STAT5B: variants seen among roughly 807,000 people sequenced by gnomAD.
The protein encoded by STAT5B is transcription factor STAT5B.
Under a neutral mutation model 107.8 loss-of-function variants are expected in STAT5B, and 21 were observed. That is an observed-to-expected ratio of 0.19 (90% confidence interval 0.14 to 0.28). The LOEUF (loss-of-function observed/expected upper bound fraction) is 0.28. STAT5B is among the 10% of genes least tolerant of loss of function. STAT5B has a pLI of 1.00. For missense variants in STAT5B, 565 were observed against 1,008.2 expected, an observed-to-expected ratio of 0.56 and a Z score of 5.95; for synonymous variants, 325 against 401.7, an observed-to-expected ratio of 0.81 and a Z score of 2.28.
intron 15 of STAT5B, among the ~76,000 whole-genome samples, chr17:42,209,911 T>C (rs2080115054): frequency 6.6e-6 from 1 of 152,218 alleles, no homozygotes; most frequent in Admixed American, 6.5e-5. Context: ...TCTTGTATCA[T>C]AGGTAGCCAT....
At chr17:42,268,601 A>G (rs2080694783) in intron 1 of STAT5B, 1 of 152,140 alleles carries the variant, frequency 6.6e-6, no homozygotes, top group Admixed American at 6.6e-5. Context: ...ATAAGAATCT[A>G]GTATCCAGTT....
chr17:42,286,046 A>C, the STAT5B span, among the ~76,000 whole-genome samples: 8 of 151,924 alleles, frequency 5.3e-5, no homozygotes, highest in Admixed American at 2.0e-4. Flanking sequence ...ATGGAGAAAC[A>C]CCGCCTCTAC....
At chr17:42,273,996 C>A (rs1308677439) in intron 1 of STAT5B, among the ~76,000 whole-genome samples, 1 of 151,952 alleles carries the variant, frequency 6.6e-6, no homozygotes, top group Non-Finnish European at 1.5e-5. Flanking sequence ...AAGTGTTGAC[C>A]AAAATATTTA....
chr17:42,250,795 G>T (rs113704942), intron 1 of STAT5B, among the ~76,000 whole-genome samples: 1 of 151,900 alleles, frequency 6.6e-6, no homozygotes, highest in East Asian at 1.9e-4. Context: ...GTGGTGGCAG[G>T]CACCTGTAGT....
chr17:42,218,901 A>C (rs1279981357), intron 7 of STAT5B, 23 bp from the exon 8 acceptor site: 3 of 1,613,832 alleles, frequency 1.9e-6, no homozygotes, highest in Non-Finnish European at 2.5e-6. Flanking sequence ...CCCAAGGCCA[A>C]CAGGAGGACA....
At chr17:42,249,335 G>C (rs1470403507) in intron 1 of STAT5B, among the ~76,000 whole-genome samples, 1 of 152,132 alleles carries the variant, frequency 6.6e-6, no homozygotes, top group African/African-American at 2.4e-5. Context: ...GGAGGTAGCA[G>C]AGAGCCAAGA....
chr17:42,281,532 G>C (rs1165709737), upstream of STAT5B, among the ~76,000 whole-genome samples: 1 of 152,188 alleles, frequency 6.6e-6, no homozygotes, highest in African/African-American at 2.4e-5. Flanking sequence ...TGATAAAAAA[G>C]CATTTTCTCT....
chr17:42,256,761 C>T (rs1251447572), intron 1 of STAT5B, among the ~76,000 whole-genome samples: 1 of 146,278 alleles, frequency 6.8e-6, no homozygotes, highest in Non-Finnish European at 1.5e-5. Flanking sequence ...ACTGGGGAGG[C>T]TGAGGCAGGA....
chr17:42,264,205 TTTAA>T (rs1350458612), intron 1 of STAT5B, among the ~76,000 whole-genome samples: 5 of 152,102 alleles, frequency 3.3e-5, no homozygotes, highest in Non-Finnish European at 5.9e-5. Context: ...ATCTTTTTTT[TTTAA>T]TTTATTTATT....
intron 1 of STAT5B, among the ~76,000 whole-genome samples, chr17:42,263,263 CA>C (rs1391211263): frequency 6.0e-5 from 9 of 151,002 alleles, no homozygotes; most frequent in Non-Finnish European, 1.2e-4. Flanking sequence ...TCCTGAAGTT[CA>C]AATTATTTAA....
intron 13 of STAT5B, among the ~76,000 whole-genome samples, chr17:42,211,231 G>C (rs2080125828): frequency 1.3e-5 from 2 of 151,650 alleles, no homozygotes; most frequent in Non-Finnish European, 2.9e-5. Context: ...AATAGGGTGG[G>C]CACAGTGGAC....
chr17:42,218,974 G>A (rs1343495916), intron 7 of STAT5B, 96 bp from the exon 8 acceptor site: 26 of 1,556,214 alleles, frequency 1.7e-5, no homozygotes, highest in Non-Finnish European at 2.2e-5. Context: ...GGAAGGCTCT[G>A]TGCTTTCGCC....
chr17:42,241,987 A>C (rs2144328442), intron 1 of STAT5B, among the ~76,000 whole-genome samples: 1 of 152,324 alleles, frequency 6.6e-6, no homozygotes, highest in South Asian at 2.1e-4. Flanking sequence ...CAGAAAGAAT[A>C]AAAGCATTTG....
intron 1 of STAT5B, among the ~76,000 whole-genome samples, chr17:42,250,299 C>G (rs779910158): frequency 2.0e-5 from 3 of 152,064 alleles, no homozygotes; most frequent in Non-Finnish European, 4.4e-5. Flanking sequence ...AGTATTTTAA[C>G]CCCACTCTGA....
intron 2 of STAT5B, among the ~76,000 whole-genome samples, chr17:42,231,401 G>A (rs1322939475): frequency 6.6e-6 from 1 of 152,080 alleles, no homozygotes; most frequent in Admixed American, 6.6e-5. Flanking sequence ...GAGTGTAGTG[G>A]TGTGATCATG....
chr17:42,280,720 G>A (rs1413896154), upstream of STAT5B, among the ~76,000 whole-genome samples: 2 of 152,166 alleles, frequency 1.3e-5, no homozygotes, highest in East Asian at 1.9e-4. Flanking sequence ...TCAGAATGGC[G>A]TGGCCTCGGT....
At chr17:42,248,273 C>CAAAA (rs61401221) in intron 1 of STAT5B, among the ~76,000 whole-genome samples, 1 of 69,176 alleles carries the variant, frequency 1.4e-5, no homozygotes, top group Admixed American at 1.8e-4. Context: ...AGATCTTGTC[C>CAAAA]AAAAAAAAAA....
At chr17:42,235,108 A>G (rs78179797) in intron 1 of STAT5B, 1 of 152,196 alleles carries the variant, frequency 6.6e-6, no homozygotes, top group Non-Finnish European at 1.5e-5. Context: ...AGCTATGAAA[A>G]CTTTTATCTC....
intron 1 of STAT5B, among the ~76,000 whole-genome samples, chr17:42,245,637 C>T (rs1224460898): frequency 6.6e-6 from 1 of 152,148 alleles, no homozygotes; most frequent in Admixed American, 6.5e-5. Context: ...ATTCTCCTGC[C>T]TCAGCCTCCC....
Sources: allele counts gnomAD v4.1 joint callset (sites outside exome capture counted in the v4.1 genomes callset), GRCh38; gene constraint gnomAD v4.1.1; transcripts MANE v1.5; gene names NCBI Gene and HGNC (gene_info 2026-07-23, HGNC 2026-07-21).